Variants in CERKL observed in about 807,000 individuals in gnomAD.
The protein encoded by CERKL is CERK like autophagy regulator, also known as ceramide kinase-like protein.
CERKL carries 61 observed loss-of-function variants against 63.4 expected under a neutral mutation model. The ratio of observed to expected loss-of-function variants is 0.96; its 90% CI spans 0.78 to 1.19. The LOEUF (loss-of-function observed/expected upper bound fraction) is 1.19. Among genes scored for constraint, CERKL ranks in the 50% most tolerant of loss-of-function variants. The probability of loss-of-function intolerance (pLI) is 0.00; values close to 1 mark genes in which losing one functional copy is unlikely to be tolerated. For missense variants in CERKL, 675 were observed against 655.5 expected (o/e 1.03, Z -0.33); for synonymous variants, 250 against 230.5 (o/e 1.08, Z -0.77).
At chr2:181,642,152 C>T (rs923297983) in intron 1 of CERKL, among the ~76,000 whole-genome samples, 2 of 152,144 alleles carry the variant, frequency 1.3e-5, no homozygotes, top group East Asian at 3.8e-4. Context: ...TTTTTCTTAA[C>T]GTGTAGACTG....
At chr2:181,573,717 T>C (rs1335534198) in intron 3 of CERKL, 36 bp downstream of exon 3, 1 of 1,594,952 alleles carries the variant, frequency 6.3e-7, no homozygotes, top group East Asian at 2.2e-5. Flanking sequence ...TGTATGTTTT[T>C]GTAGATGGTG....
intron 1 of CERKL, among the ~76,000 whole-genome samples, chr2:181,630,297 T>G (rs186998549): frequency 6.6e-6 from 1 of 152,112 alleles, no homozygotes; most frequent in East Asian, 1.9e-4. Context: ...CTACCTTCCC[T>G]GGCCTCCCAA....
Position 181,537,909 on chromosome 2 carries a change from T to A in CERKL, c.*275A>T. 1.8e-6 allele frequency: 1 copy of A among 570,906 alleles called. No individual in the cohort carries two copies. Among genetic ancestry groups the A allele is most frequent in the Non-Finnish European group, 3.3e-6 (1 of 301,304 alleles). 35.4% of individuals were successfully genotyped at this position (570,906 alleles called of 1,614,324 possible). A position where few individuals can be genotyped will look rare whatever the true frequency, so the allele number is the denominator to read the frequency against. ...TGGAGCATTACTGAGTTCCTCCCCC[T>A]GTCAGATCAGCAGCAGCATTAGATT... On this transcript the variant is annotated 3_prime_UTR_variant, in exon 13 of 13. Transcript: ENST00000410087.
At position 181,548,596 on chromosome 2, in the gene CERKL, T is replaced by A; in HGVS notation, c.1082A>T (p.Asp361Val). 1 of 1,613,270 alleles carries A rather than the reference T, an allele frequency of 6.2e-7. No homozygotes were observed. The highest frequency in any genetic ancestry group is 8.5e-7 in the Non-Finnish European group (1 of 1,179,452). ...VKALAKLKAE[D>V]CEISFLPFNS... ...AAATGGTAAAAATGATATTTCACAG[T>A]CTTCTGCCCTAAAATGTAATGAAAT... The change falls in exon 8 of 13, where the codon GAC becomes GTC. Residue 361 changes from aspartate (D) to valine (V), a missense_variant. Physicochemically the swap from Asp to Val is radical, Grantham distance 152. Coordinates refer to ENST00000410087, the MANE Select transcript of CERKL (RefSeq NM_201548.5).
chr2:181,621,452 C>G (rs1003323343), intron 1 of CERKL, among the ~76,000 whole-genome samples: 4 of 152,014 alleles, frequency 2.6e-5, no homozygotes. Context: ...TTAGAGGAAG[C>G]CAATTTTATT....
intron 1 of CERKL, among the ~76,000 whole-genome samples, chr2:181,625,654 G>T (rs1322259151): frequency 1.3e-5 from 2 of 152,176 alleles, no homozygotes; most frequent in Non-Finnish European, 2.9e-5. Context: ...TGTAGGAAGA[G>T]AAAGCCTTAG....
At chr2:181,540,653 T>C (rs1178404719) in intron 11 of CERKL, among the ~76,000 whole-genome samples, 1 of 152,194 alleles carries the variant, frequency 6.6e-6, no homozygotes, top group Non-Finnish European at 1.5e-5. Flanking sequence ...GCAGTTGTCA[T>C]GTGCACTCCT....
intron 1 of CERKL, among the ~76,000 whole-genome samples, chr2:181,609,883 A>G (rs899642803): frequency 6.6e-6 from 1 of 152,210 alleles, no homozygotes; most frequent in Non-Finnish European, 1.5e-5. Flanking sequence ...TAGAAATAGC[A>G]AAGGATGATT....
At chr2:181,656,390 T>C (rs1022296617) in intron 1 of CERKL, among the ~76,000 whole-genome samples, 2 of 152,326 alleles carry the variant, frequency 1.3e-5, no homozygotes, top group South Asian at 2.1e-4. Context: ...TTAAAACTTT[T>C]TCAACTTGGA....
chr2:181,637,123 A>G (rs1404676469), intron 1 of CERKL, among the ~76,000 whole-genome samples: 2 of 152,170 alleles, frequency 1.3e-5, no homozygotes, highest in Non-Finnish European at 2.9e-5. Flanking sequence ...TGTTTTTTTA[A>G]AGTTTGGCAA....
intron 5 of CERKL, among the ~76,000 whole-genome samples, chr2:181,551,215 T>C (rs1447178757): frequency 1.3e-5 from 2 of 152,166 alleles, no homozygotes; most frequent in Non-Finnish European, 2.9e-5. Context: ...AAAGGCTCCA[T>C]GAATGAATTG....
chr2:181,564,982 T>A (rs999382997), intron 4 of CERKL, among the ~76,000 whole-genome samples: 1 of 152,140 alleles, frequency 6.6e-6, no homozygotes, highest in Non-Finnish European at 1.5e-5. Flanking sequence ...CTATCTAGAT[T>A]TACTTCCCTC....
intron 2 of CERKL, among the ~76,000 whole-genome samples, chr2:181,592,051 G>T (rs1391125506): frequency 6.6e-6 from 1 of 152,116 alleles, no homozygotes; most frequent in African/African-American, 2.4e-5. Context: ...TTCTTAAAAT[G>T]TCTTCACCTC....
At chr2:181,571,707 T>C (rs947719720) in intron 3 of CERKL, among the ~76,000 whole-genome samples, 3 of 152,120 alleles carry the variant, frequency 2.0e-5, no homozygotes, top group Non-Finnish European at 4.4e-5. Context: ...AGAAGTCATT[T>C]TGCCCTTTCT....
chr2:181,649,051 G>A (rs889194646), intron 1 of CERKL, among the ~76,000 whole-genome samples: 2 of 152,174 alleles, frequency 1.3e-5, no homozygotes, highest in South Asian at 4.2e-4. Flanking sequence ...AACAAAATGG[G>A]AGAAATAAGT....
At chr2:181,544,018 T>TGTGA (rs1309899487) in intron 11 of CERKL, among the ~76,000 whole-genome samples, 1 of 147,026 alleles carries the variant, frequency 6.8e-6, no homozygotes, top group African/African-American at 2.5e-5. Context: ...AAAGAAAAAG[T>TGTGA]GTGAAACTAT....
At chr2:181,613,448 T>C (rs1686059776) in intron 1 of CERKL, among the ~76,000 whole-genome samples, 1 of 152,158 alleles carries the variant, frequency 6.6e-6, no homozygotes, top group Non-Finnish European at 1.5e-5. Context: ...TGAAAATCCT[T>C]GTAAGGCTCT....
chr2:181,621,053 G>T (rs1574506549), intron 1 of CERKL, among the ~76,000 whole-genome samples: 1 of 152,054 alleles, frequency 6.6e-6, no homozygotes, highest in South Asian at 2.1e-4. Flanking sequence ...GGCAAATGGG[G>T]GATATGAACC....
intron 1 of CERKL, among the ~76,000 whole-genome samples, chr2:181,631,226 T>C (rs1686941047): frequency 6.6e-6 from 1 of 152,236 alleles, no homozygotes; most frequent in South Asian, 2.1e-4. Context: ...AGGTTTTCAC[T>C]GGTTCTTTAA....
Sources: gnomAD v4.1 joint callset for allele counts (sites outside exome capture counted in the v4.1 genomes callset) on GRCh38, gnomAD v4.1.1 for gene constraint, MANE v1.5 for transcripts, NCBI Gene and HGNC (gene_info 2026-07-23, HGNC 2026-07-21) for gene names.